ROBO2: variants seen among roughly 807,000 people sequenced by gnomAD.
ROBO2 encodes roundabout guidance receptor 2.
Under a neutral mutation model 160.8 loss-of-function variants are expected in ROBO2, and 53 were observed. The ratio of observed to expected loss-of-function variants is 0.33; its 90% confidence interval spans 0.26 to 0.41. The LOEUF (loss-of-function observed/expected upper bound fraction) is 0.41. Among genes scored for constraint, ROBO2 ranks in the 10% least tolerant of loss-of-function variants. ROBO2 has a pLI of 1.00. For missense variants in ROBO2, 1,577 were observed against 1,722.4 expected (o/e 0.92, Z 1.49); for synonymous variants, 664 against 611.7 (o/e 1.09, Z -1.26).
At chr3:76,741,998 A>G (rs1003457130) in intron 2 of ROBO2, among the ~76,000 whole-genome samples, 1 of 152,098 alleles carries the variant, frequency 6.6e-6, no homozygotes, top group Non-Finnish European at 1.5e-5. Context: ...ATCATCCCAC[A>G]TAAGTGATAG....
intron 2 of ROBO2, among the ~76,000 whole-genome samples, chr3:76,251,382 C>T (rs191980568): frequency 6.6e-6 from 1 of 152,060 alleles, no homozygotes; most frequent in Admixed American, 6.6e-5. Context: ...AGCTGTAGAT[C>T]TAGGCAGGAA....
At chr3:76,872,483 A>C (rs2072212379) in intron 2 of ROBO2, among the ~76,000 whole-genome samples, 1 of 152,022 alleles carries the variant, frequency 6.6e-6, no homozygotes, top group African/African-American at 2.4e-5. Context: ...AGCTCTGTAT[A>C]TTAGAAAGAG....
At chr3:77,146,709 T>G (rs548994188) in intron 2 of ROBO2, among the ~76,000 whole-genome samples, 32 of 152,260 alleles carry the variant, frequency 2.1e-4, no homozygotes, top group African/African-American at 7.7e-4. Flanking sequence ...GGCTCACGCT[T>G]GTAATCCCAG....
chr3:77,245,423 T>C (rs1364644738), intron 2 of ROBO2, among the ~76,000 whole-genome samples: 1 of 152,202 alleles, frequency 6.6e-6, no homozygotes. Context: ...AGGATTTTCA[T>C]TAAAAAATTA....
intron 2 of ROBO2, among the ~76,000 whole-genome samples, chr3:77,372,272 T>C (rs577977795): frequency 1.3e-5 from 2 of 152,240 alleles, no homozygotes; most frequent in East Asian, 1.9e-4. Context: ...TCAATTCTTA[T>C]ATCAGGAAGA....
chr3:76,433,512 ATTCT>A (rs1370101483), intron 2 of ROBO2, among the ~76,000 whole-genome samples: 8 of 152,194 alleles, frequency 5.3e-5, no homozygotes, highest in Non-Finnish European at 8.8e-5. Flanking sequence ...AATAGTATAC[ATTCT>A]TTCTATGTGT....
rs565333305 is a variant in ROBO2, at chr3:77,013,565, C to T, written c.110-84449C>T. Among the ~76,000 whole-genome samples the T allele has an allele frequency of 9.2e-5, 14 of 152,216 alleles. No individual in the cohort carries two copies. The South Asian group carries it at 2.7e-3, about 29-fold the overall frequency. On this transcript the variant is annotated intron_variant, in intron 2 of 26. Coordinates refer to the ROBO2 transcript ENST00000487694. ...CTGACCGTCATTAAAGGAAATGAAT[C>T]CTGTAGGTAGAAACAGCCTAGATAA...
At chr3:77,043,686 G>A (rs1395722444) in intron 1 of ROBO2, among the ~76,000 whole-genome samples, 1 of 152,074 alleles carries the variant, frequency 6.6e-6, no homozygotes, top group Non-Finnish European at 1.5e-5. Flanking sequence ...TTTTGAATAA[G>A]AATAGGGTTT....
At chr3:77,222,221 C>G (rs1476788964) in intron 2 of ROBO2, among the ~76,000 whole-genome samples, 2 of 152,154 alleles carry the variant, frequency 1.3e-5, no homozygotes, top group Non-Finnish European at 2.9e-5. Flanking sequence ...AGAGATGTTA[C>G]ATTTATTTTT....
chr3:75,909,724 C>A (rs568238363), intron 1 of ROBO2, among the ~76,000 whole-genome samples: 3 of 152,260 alleles, frequency 2.0e-5, no homozygotes, highest in African/African-American at 4.8e-5. Context: ...TCAAGGAAAA[C>A]AATCCTCTTG....
At chr3:77,564,648 C>A (rs566846664) in intron 11 of ROBO2, 121 of 474,506 alleles carry the variant, frequency 2.6e-4, no homozygotes, top group Non-Finnish European at 2.6e-4. Context: ...ATGTTGTGAT[C>A]TTGGCCTCTG....
chr3:77,221,235 C>T (rs2085748503), intron 2 of ROBO2, among the ~76,000 whole-genome samples: 1 of 152,124 alleles, frequency 6.6e-6, no homozygotes, highest in Admixed American at 6.5e-5. Context: ...TCCTTGCTGT[C>T]CTTATGTGGT....
intron 2 of ROBO2, among the ~76,000 whole-genome samples, chr3:76,050,841 T>C (rs1408634987): frequency 1.3e-5 from 2 of 152,232 alleles, no homozygotes; most frequent in Non-Finnish European, 2.9e-5. Context: ...TGAATATTGC[T>C]GTGATGCTTT....
intron 2 of ROBO2, among the ~76,000 whole-genome samples, chr3:76,067,358 G>T (rs2068288169): frequency 6.6e-6 from 1 of 152,168 alleles, no homozygotes; most frequent in Non-Finnish European, 1.5e-5. Context: ...ACTAGTAACA[G>T]GGACTAAGAG....
At chr3:76,077,557 C>T (rs1255843059) in intron 2 of ROBO2, among the ~76,000 whole-genome samples, 1 of 151,914 alleles carries the variant, frequency 6.6e-6, no homozygotes, top group Non-Finnish European at 1.5e-5. Context: ...AGCGAGACTT[C>T]ATCTCAAAAT....
intron 16 of ROBO2, among the ~76,000 whole-genome samples, chr3:77,583,765 A>C (rs2093975827): frequency 6.6e-6 from 1 of 152,134 alleles, no homozygotes; most frequent in African/African-American, 2.4e-5. Flanking sequence ...ATTGCAGATG[A>C]AATAAAATTT....
chr3:77,226,556 G>T (rs2086523174), intron 2 of ROBO2, among the ~76,000 whole-genome samples: 1 of 151,906 alleles, frequency 6.6e-6, no homozygotes, highest in African/African-American at 2.4e-5. Context: ...CTACTATTTT[G>T]CCTTCTTATA....
At chr3:76,324,317 T>G (rs1310467440) in intron 2 of ROBO2, among the ~76,000 whole-genome samples, 1 of 152,214 alleles carries the variant, frequency 6.6e-6, no homozygotes, top group Non-Finnish European at 1.5e-5. Context: ...CTTCTAGAAC[T>G]GAAGCTGTGT....
chr3:77,301,773 C>G (rs527678023), intron 2 of ROBO2, among the ~76,000 whole-genome samples: 1 of 152,132 alleles, frequency 6.6e-6, no homozygotes, highest in African/African-American at 2.4e-5. Flanking sequence ...ACTAAATTCA[C>G]GGTGTAGTGG....
Sources: gnomAD v4.1 joint callset for allele counts (sites outside exome capture counted in the v4.1 genomes callset) on GRCh38, gnomAD v4.1.1 for gene constraint, MANE v1.5 for transcripts, NCBI Gene and HGNC (gene_info 2026-07-23, HGNC 2026-07-21) for gene names.